Variants in NFS1 observed in about 807,000 individuals in gnomAD.
NFS1 encodes cysteine desulfurase.
In NFS1, 26 loss-of-function variants were observed where a neutral mutation model predicts 57.3. That is an observed-to-expected ratio of 0.45 (90% CI 0.33 to 0.63). The LOEUF (loss-of-function observed/expected upper bound fraction) is 0.63. NFS1 is among the 20% of genes least tolerant of loss of function. NFS1 has a pLI of 0.02. For synonymous variants in NFS1, 209 were observed against 216.3 expected (o/e 0.97, Z 0.30); for missense variants, 505 against 605.8 (o/e 0.83, Z 1.75).
intron 5 of NFS1, among the ~76,000 whole-genome samples, chr20:35,682,312 C>T (rs1037062390): frequency 2.0e-5 from 3 of 152,216 alleles, no homozygotes; most frequent in Non-Finnish European, 4.4e-5. Context: ...ATTCACAAAA[C>T]ATCTTACACA....
At chr20:35,678,596 A>T (rs1466266148) in intron 7 of NFS1, among the ~76,000 whole-genome samples, 1 of 148,762 alleles carries the variant, frequency 6.7e-6, no homozygotes, top group South Asian at 2.1e-4. Context: ...CCAGCTACTC[A>T]GGAGGATGAG....
chr20:35,669,630 G>A lies in NFS1; in HGVS notation c.1366C>T (p.Gln456Ter), dbSNP rs2034619667. Residue 456 changes from glutamine (Q) to a stop codon, truncating the protein, a stop_gained, in exon 13 of 13, where the codon CAA becomes TAA. Transcript: ENST00000374092. LOFTEE classifies it high-confidence loss of function. ...GIDLKSIKWTQH is the reference protein window; with the variant it reads ...GIDLKSIKWT The stretch of plus-strand genomic sequence containing the variant: ...GTCAGGGCCCTATTCTTCTAGTGTT[G>A]GGTCCACTTGATGCTCTTGAGGTCA... 6.2e-7 allele frequency: 1 copy of A among 1,614,038 alleles called. No individual in the cohort carries two copies. Among genetic ancestry groups the A allele is most frequent in the Non-Finnish European group, 8.5e-7 (1 of 1,179,942 alleles).
At chr20:35,683,790 CAA>C (rs151037025) in intron 5 of NFS1, among the ~76,000 whole-genome samples, 20 of 53,990 alleles carry the variant, frequency 3.7e-4, no homozygotes, top group South Asian at 6.7e-4. Flanking sequence ...GACTCCATCT[CAA>C]AAAAAAAAAA....
Position 35,674,391 on chromosome 20 carries a change from ACTTT to A in NFS1, c.1091_1094del (p.Glu364ValfsTer3). ...CAACGTCCTTCAGTGCCATCAGCAG[ACTTT>A]CCCCTTCCACATATGCAAAGGAGAG... is the stretch of plus-strand genomic sequence containing the variant. On this transcript the variant is annotated frameshift_variant, in exon 10 of 13. Coordinates refer to ENST00000374092, the MANE Select transcript of NFS1 (RefSeq NM_021100.5). LOFTEE classifies it high-confidence loss of function. 1 of 1,614,122 alleles carries A rather than the reference ACTTT, an allele frequency of 6.2e-7. No individual in the cohort carries two copies. The highest frequency in any genetic ancestry group is 8.5e-7 in the Non-Finnish European group (1 of 1,179,976).
At chr20:35,687,415 CCT>C (rs141567718) in intron 5 of NFS1, among the ~76,000 whole-genome samples, 1,072 of 145,576 alleles carry the variant, frequency 7.4e-3, no homozygotes, top group Admixed American at 7.7e-3. Context: ...CTCTCTCTCT[CCT>C]CTCTCTCTCT....
Position 35,668,999 on chromosome 20 carries a change from A to C in NFS1, c.*623T>G, listed in dbSNP as rs1414745872. ...GGTGAGTTTATTTCTCCAGTCTTGA[A>C]ATTAACAATTTTCAAGAAAACAAAT... On this transcript the variant is annotated 3_prime_UTR_variant, in exon 13 of 13. Coordinates refer to ENST00000374092, the MANE Select transcript of NFS1 (RefSeq NM_021100.5). 6.6e-6 allele frequency: 1 copy of C among 152,206 alleles called. No individual in the cohort carries two copies. Among genetic ancestry groups the C allele is most frequent in the Non-Finnish European group, 1.5e-5 (1 of 68,028 alleles). 9.4% of individuals were successfully genotyped at this position (152,206 alleles called of 1,614,324 possible).
Position 35,674,695 on chromosome 20 carries a change from T to C in NFS1, c.949-78A>G, listed in dbSNP as rs189301356. 11 of 1,109,806 alleles carry C rather than the reference T, an allele frequency of 9.9e-6. No homozygotes were observed. The African/African-American group carries it at 1.1e-4, about 11-fold the overall frequency. The allele number at this position is 1,109,806 out of a possible 1,614,324, so 68.7% of individuals were successfully genotyped here. A position where few individuals can be genotyped will look rare whatever the true frequency, so the allele number is the denominator to read the frequency against. Reference sequence around the variant, plus strand: ...GACAGTTTGAGAAGCCCTTCTCCTATAACTGGAAGTGACTATGTATCAGCC... The same window carrying C: ...GACAGTTTGAGAAGCCCTTCTCCTACAACTGGAAGTGACTATGTATCAGCC... On this transcript the variant is annotated intron_variant, in intron 8 of 12. Transcript: ENST00000374092.
chr20:35,699,299 G>T lies in NFS1; in HGVS notation c.-11C>A. ...GGCTCGGAGCAGCATGGTCCCGCTG[G>T]CAGAGCCCACCTTCCGAAGCCGCTG... On this transcript the variant is annotated 5_prime_UTR_variant, in exon 1 of 13. Coordinates refer to ENST00000374092, the MANE Select transcript of NFS1 (RefSeq NM_021100.5). This position sits in a 1 kb window ranked among gnomAD's most constrained non-coding sequence, Gnocchi z 4.4. 1 of 1,399,570 alleles carries T rather than the reference G, an allele frequency of 7.1e-7. No homozygotes were observed. The highest frequency in any genetic ancestry group is 9.2e-7 in the Non-Finnish European group (1 of 1,084,656). 86.7% of individuals were successfully genotyped at this position (1,399,570 alleles called of 1,614,324 possible). A position where few individuals can be genotyped will look rare whatever the true frequency, so the allele number is the denominator to read the frequency against.
chr20:35,681,950 C>G lies in NFS1; in HGVS notation c.593G>C (p.Ser198Thr). The G allele has an allele frequency of 6.2e-7, 1 of 1,612,634 alleles. No individual in the cohort carries two copies. The highest frequency in any genetic ancestry group is 2.2e-5 in the East Asian group (1 of 44,854). The change falls in exon 6 of 13, where the codon AGC (serine) becomes ACC (threonine). Residue 198 changes from serine (S) to threonine (T), a missense_variant. By Grantham distance (58) the Ser-to-Thr change is moderately conservative. Coordinates refer to ENST00000374092, the MANE Select transcript of NFS1 (RefSeq NM_021100.5). ...ELEAAIQPDT[S>T]LVSVMTVNNE... ...GTTCACAGTCATGACTGACACCAGG[C>G]TAGTATCTGGCTGGATAGCAGCCTC...
At chr20:35,681,410 A>G (rs2034846824) in intron 6 of NFS1, among the ~76,000 whole-genome samples, 2 of 152,218 alleles carry the variant, frequency 1.3e-5, no homozygotes, top group African/African-American at 4.8e-5. Flanking sequence ...AAAAGGTGCT[A>G]GACCTGGCCG....
chr20:35,682,126 T>C, intron 5 of NFS1, 145 bp from the exon 6 acceptor site: 1 of 512,756 alleles, frequency 2.0e-6, no homozygotes, highest in Non-Finnish European at 3.7e-6. Context: ...ACACAAAATG[T>C]TGGTGAGGAT....
intron 5 of NFS1, among the ~76,000 whole-genome samples, chr20:35,682,258 G>A (rs2034860378): frequency 6.6e-6 from 1 of 152,164 alleles, no homozygotes; most frequent in Non-Finnish European, 1.5e-5. Flanking sequence ...ATAGAACCCA[G>A]TAACTGTACA....
rs566791374 is a variant in NFS1, at chr20:35,691,218, G to A, written c.409-653C>T. Among the ~76,000 whole-genome samples, 3 of 152,204 alleles carry A rather than the reference G, an allele frequency of 2.0e-5. No homozygotes were observed. The South Asian group carries it at 6.2e-4, about 32-fold the overall frequency. ...TATACAGCAAATTAGCAGTGAAAATGTGTTTAGAGTTCTACTCTATATTAT... is the reference window on the plus strand; with the variant it reads ...TATACAGCAAATTAGCAGTGAAAATATGTTTAGAGTTCTACTCTATATTAT... On this transcript the variant is annotated intron_variant, in intron 4 of 12. Transcript: ENST00000374092.
chr20:35,674,927 A>AGAGTT, intron 8 of NFS1, 118 bp downstream of exon 8: 2 of 1,384,578 alleles, frequency 1.4e-6, no homozygotes, highest in Non-Finnish European at 2.0e-6. Flanking sequence ...AGGACAAGGA[A>AGAGTT]GAGTTTTCTT....
intron 1 of NFS1, 139 bp from the exon 2 acceptor site, chr20:35,698,729 AAAC>A (rs2035187381): frequency 9.9e-6 from 14 of 1,418,488 alleles, no homozygotes; most frequent in Middle Eastern, 4.8e-4. Context: ...AATGGAAAGA[AAAC>A]AACACCAGAT....
chr20:35,696,336 T>C, intron 4 of NFS1, 41 bp downstream of exon 4: 1 of 1,365,130 alleles, frequency 7.3e-7, no homozygotes, highest in Non-Finnish European at 1.0e-6. Flanking sequence ...ATCTCCTAGG[T>C]CAGGAAAGCC....
At position 35,690,533 on chromosome 20, in the gene NFS1, C is replaced by T; in HGVS notation, c.441G>A (p.Lys147=). 2 of 1,614,060 alleles carry T rather than the reference C, an allele frequency of 1.2e-6. No individual in the cohort carries two copies. Among genetic ancestry groups the T allele is most frequent in the Non-Finnish European group, 8.5e-7 (1 of 1,180,016 alleles). Residue 147 remains lysine (K), a synonymous_variant, in exon 5 of 13, where the codon AAG becomes AAA. Coordinates refer to ENST00000374092, the MANE Select transcript of NFS1 (RefSeq NM_021100.5). ...GVARFYRSRK[K]HLITTQTEHK... ...GTTCTGTCTGGGTGGTGATCAAGTG[C>T]TTTTTCCGTGACCTGTAGAATCGGG...
At chr20:35,679,452 G>A (rs1486570691) in intron 7 of NFS1, among the ~76,000 whole-genome samples, 1 of 152,126 alleles carries the variant, frequency 6.6e-6, no homozygotes, top group Non-Finnish European at 1.5e-5. Context: ...AAAGTGCTGG[G>A]ATTACAGGTG....
At chr20:35,691,694 G>A (rs549327947) in intron 4 of NFS1, among the ~76,000 whole-genome samples, 2 of 130,662 alleles carry the variant, frequency 1.5e-5, no homozygotes, top group East Asian at 5.1e-4. Flanking sequence ...TGAGCCAAGA[G>A]TGCTATTGCA....
Sources: gnomAD v4.1 joint callset for allele counts (sites outside exome capture counted in the v4.1 genomes callset) on GRCh38, gnomAD v4.1.1 for gene constraint, Gnocchi (gnomAD v3.1) non-coding constraint, MANE v1.5 for transcripts, NCBI Gene and HGNC (gene_info 2026-07-23, HGNC 2026-07-21) for gene names.